Variants in RARB observed in about 807,000 individuals in gnomAD.
The protein encoded by RARB is HBV-activated protein.
RARB carries 17 observed loss-of-function variants against 51.9 expected under a neutral mutation model. The ratio of observed to expected loss-of-function variants is 0.33; its 90% CI spans 0.22 to 0.49. The LOEUF is 0.49. RARB is among the 20% of genes least tolerant of loss of function. RARB has a pLI of 0.99. For synonymous variants in RARB, 215 were observed against 195.4 expected (o/e 1.10, Z -0.84); for missense variants, 369 against 550.8 (o/e 0.67, Z 3.30).
chr3:25,160,019 T>G (rs1427962800), intron 4 of RARB, among the ~76,000 whole-genome samples: 2 of 152,158 alleles, frequency 1.3e-5, no homozygotes, highest in Non-Finnish European at 2.9e-5. Context: ...ACAAAACGTT[T>G]AAAAAACAAA....
At chr3:25,457,330 A>C (rs1008910437) in intron 1 of RARB, among the ~76,000 whole-genome samples, 4 of 152,230 alleles carry the variant, frequency 2.6e-5, no homozygotes, top group Admixed American at 6.5e-5. Flanking sequence ...AATGCCTGGC[A>C]TGTTATGTCA....
At chr3:25,415,208 A>G (rs1707669769) in intron 5 of RARB, among the ~76,000 whole-genome samples, 1 of 152,102 alleles carries the variant, frequency 6.6e-6, no homozygotes, top group Admixed American at 6.5e-5. Flanking sequence ...ATTATAATGA[A>G]GTTCTAATTA....
intron 5 of RARB, among the ~76,000 whole-genome samples, chr3:25,231,210 A>T (rs1283980447): frequency 3.3e-5 from 5 of 152,158 alleles, no homozygotes; most frequent in Admixed American, 6.6e-5. Flanking sequence ...TAAAAACTCA[A>T]CACTTCTGGA....
rs113125098 is a variant in RARB, at chr3:25,346,807, G to A, written c.179-114386G>A. Among the ~76,000 whole-genome samples, 194 of 152,302 alleles carry A rather than the reference G, an allele frequency of 1.3e-3. 1 individual carries two copies. Among genetic ancestry groups the A allele is most frequent in the Middle Eastern group, 3.4e-3 (1 of 294 alleles). On this transcript the variant is annotated intron_variant, in intron 5 of 11. Transcript: ENST00000383772. ...AGTTTTGAAAGCAGCTACTCATCTCGCATCAAACAGCAAACCCTCAATTTT... is the reference window on the plus strand; with the variant it reads ...AGTTTTGAAAGCAGCTACTCATCTCACATCAAACAGCAAACCCTCAATTTT...
At chr3:25,449,054 T>C (rs1363997318) in intron 1 of RARB, among the ~76,000 whole-genome samples, 1 of 152,048 alleles carries the variant, frequency 6.6e-6, no homozygotes, top group Non-Finnish European at 1.5e-5. Flanking sequence ...TATGTGGCCT[T>C]CAGGTGAGGG....
At chr3:25,177,023 G>T (rs543793212) in intron 5 of RARB, among the ~76,000 whole-genome samples, 3 of 152,316 alleles carry the variant, frequency 2.0e-5, no homozygotes, top group African/African-American at 7.2e-5. Flanking sequence ...CTTAAAAGGT[G>T]TTTGGAGAAG....
intron 2 of RARB, among the ~76,000 whole-genome samples, chr3:24,934,708 G>A (rs1411965081): frequency 6.6e-6 from 1 of 152,008 alleles, no homozygotes; most frequent in Non-Finnish European, 1.5e-5. Context: ...TGTCTAAGAA[G>A]AAAATGCTTG....
rs183383913 is a variant in RARB, at chr3:25,049,043, C to T, written c.-379-11082C>T. ...CTGGGCTTACAGGCGTGAGCCACCGCGCCCAGCTCCAAGACCACTTTTAAT... is the reference window on the plus strand; with the variant it reads ...CTGGGCTTACAGGCGTGAGCCACCGTGCCCAGCTCCAAGACCACTTTTAAT... On this transcript the variant is annotated intron_variant, in intron 2 of 11. Coordinates refer to the RARB transcript ENST00000383772. 4.6e-3 allele frequency among the ~76,000 whole-genome samples: 703 copies of T among 152,268 alleles called. 6 individuals are homozygous for T. Among genetic ancestry groups the T allele is most frequent in the African/African-American group, 0.016 (656 of 41,562 alleles).
intron 5 of RARB, among the ~76,000 whole-genome samples, chr3:25,257,419 T>C (rs775311901): frequency 6.6e-6 from 1 of 151,976 alleles, no homozygotes; most frequent in Non-Finnish European, 1.5e-5. Context: ...AGAGATGTAA[T>C]AATTGTCTTC....
intron 2 of RARB, among the ~76,000 whole-genome samples, chr3:24,887,302 A>G (rs535946893): frequency 6.6e-6 from 1 of 152,244 alleles, no homozygotes; most frequent in African/African-American, 2.4e-5. Context: ...TATCCTCTCA[A>G]TGAAAGATTT....
At chr3:24,989,759 T>C (rs1214046812) in intron 2 of RARB, among the ~76,000 whole-genome samples, 1 of 98,652 alleles carries the variant, frequency 1.0e-5, no homozygotes, top group Non-Finnish European at 2.0e-5. Flanking sequence ...ATTTTAACTG[T>C]TGTCATATGT....
At chr3:25,166,015 T>C (rs571709434) in intron 4 of RARB, among the ~76,000 whole-genome samples, 1 of 152,172 alleles carries the variant, frequency 6.6e-6, no homozygotes, top group East Asian at 1.9e-4. Flanking sequence ...CTGTATTAAA[T>C]GACCCCTCCT....
At chr3:24,874,694 T>A (rs1376640135) in intron 2 of RARB, among the ~76,000 whole-genome samples, 1 of 152,024 alleles carries the variant, frequency 6.6e-6, no homozygotes. Context: ...GCTTTTTTCT[T>A]TTTTTTCTGA....
chr3:24,892,713 G>C (rs1703409575), intron 2 of RARB, among the ~76,000 whole-genome samples: 2 of 152,198 alleles, frequency 1.3e-5, no homozygotes, highest in South Asian at 4.1e-4. Flanking sequence ...AATTCTTAGT[G>C]TAAGAGTCAG....
intron 5 of RARB, among the ~76,000 whole-genome samples, chr3:25,182,131 G>C (rs1438272589): frequency 6.6e-6 from 1 of 152,164 alleles, no homozygotes. Context: ...CATACAGCAG[G>C]TGATATGTGT....
chr3:25,369,268 A>C (rs1706227602), intron 5 of RARB, among the ~76,000 whole-genome samples: 1 of 152,218 alleles, frequency 6.6e-6, no homozygotes, highest in Non-Finnish European at 1.5e-5. Context: ...CATTGGGCAC[A>C]CAGAAAGTGT....
At chr3:25,369,418 A>G (rs146700938) in intron 5 of RARB, among the ~76,000 whole-genome samples, 1 of 152,178 alleles carries the variant, frequency 6.6e-6, no homozygotes, top group Non-Finnish European at 1.5e-5. Flanking sequence ...GAAAAGAAGA[A>G]ATAAGATGCT....
At chr3:25,585,361 AAG>A (rs1365955689) in intron 5 of RARB, among the ~76,000 whole-genome samples, 1 of 152,172 alleles carries the variant, frequency 6.6e-6, no homozygotes, top group Non-Finnish European at 1.5e-5. Flanking sequence ...AGCTCCCTGG[AAG>A]AGTTTCCAGC....
rs574619917 is a variant in RARB at position 25,067,861 on chromosome 3, G to T, written c.-328+7685G>T. On this transcript the variant is annotated intron_variant, in intron 3 of 11. Transcript: ENST00000383772. ...TTCTAGGAAATTAAATCTTGGCCGG[G>T]TGCAGTGGCTCACGCCTGTAATCCC... Among the ~76,000 whole-genome samples the T allele has an allele frequency of 9.4e-4, 143 of 152,182 alleles. 1 individual carries two copies. The highest frequency in any genetic ancestry group is 2.2e-4 in the Non-Finnish European group (15 of 68,012).
Sources: allele counts gnomAD v4.1 joint callset (sites outside exome capture counted in the v4.1 genomes callset), GRCh38; gene constraint gnomAD v4.1.1; transcripts MANE v1.5; gene names NCBI Gene and HGNC (gene_info 2026-07-23, HGNC 2026-07-21).